The following HS6ST3 variants were observed in gnomAD, a reference collection of about 807,000 sequenced individuals.
HS6ST3 encodes heparan-sulfate 6-O-sulfotransferase 3.
In HS6ST3, 12 loss-of-function variants were observed where a neutral mutation model predicts 36.7. The observed-to-expected ratio is 0.33, with a 90% CI of 0.21 to 0.53. The LOEUF is 0.53. HS6ST3 is among the 20% of genes least tolerant of loss of function. HS6ST3 has a pLI of 0.95. For synonymous variants in HS6ST3, 240 were observed against 257.5 expected (o/e 0.93, Z 0.65); for missense variants, 584 against 640.9 (o/e 0.91, Z 0.96).
intron 1 of HS6ST3, among the ~76,000 whole-genome samples, chr13:96,587,099 T>A (rs1015801759): frequency 3.9e-5 from 6 of 152,142 alleles, no homozygotes; most frequent in Admixed American, 3.9e-4. Context: ...GTCAGTCAAC[T>A]GTAAATGTAA....
At chr13:96,511,200 A>G (rs956735133) in intron 1 of HS6ST3, among the ~76,000 whole-genome samples, 1 of 152,150 alleles carries the variant, frequency 6.6e-6, no homozygotes, top group Admixed American at 6.5e-5. Flanking sequence ...CTCTGCCATC[A>G]CTGACCATGC....
chr13:96,277,189 C>T (rs899747640), intron 1 of HS6ST3, among the ~76,000 whole-genome samples: 9 of 152,276 alleles, frequency 5.9e-5, no homozygotes, highest in Admixed American at 2.6e-4. Context: ...ATACTTTCTC[C>T]ATATTTCAAG....
At chr13:96,642,403 A>T (rs1425055270) in intron 1 of HS6ST3, among the ~76,000 whole-genome samples, 1 of 151,792 alleles carries the variant, frequency 6.6e-6, no homozygotes, top group Non-Finnish European at 1.5e-5. Context: ...TTTTGAGCTT[A>T]TTGGTTGTGT....
At chr13:96,135,154 C>G (rs865907757) in intron 1 of HS6ST3, among the ~76,000 whole-genome samples, 1 of 152,162 alleles carries the variant, frequency 6.6e-6, no homozygotes, top group East Asian at 1.9e-4. Flanking sequence ...TTCTACCTCA[C>G]CCTGCCTTGC....
chr13:96,675,745 T>A (rs1461988720), intron 1 of HS6ST3, among the ~76,000 whole-genome samples: 2 of 152,198 alleles, frequency 1.3e-5, no homozygotes, highest in African/African-American at 4.8e-5. Context: ...AAATGAGGAT[T>A]GGAGTTGGAT....
At chr13:96,329,729 G>A (rs1199767900) in intron 1 of HS6ST3, among the ~76,000 whole-genome samples, 5 of 117,380 alleles carry the variant, frequency 4.3e-5, no homozygotes, top group Non-Finnish European at 1.8e-5. Flanking sequence ...TCAATTCCTG[G>A]GTATCCTTGT....
chr13:96,654,332 A>G (rs2056617412), intron 1 of HS6ST3, among the ~76,000 whole-genome samples: 1 of 152,104 alleles, frequency 6.6e-6, no homozygotes, highest in Admixed American at 6.6e-5. Flanking sequence ...TAGGGTTTTT[A>G]TGGTTTTAGG....
At chr13:96,787,035 T>C (rs1877670274) in intron 1 of HS6ST3, among the ~76,000 whole-genome samples, 1 of 152,222 alleles carries the variant, frequency 6.6e-6, no homozygotes, top group South Asian at 2.1e-4. Flanking sequence ...TGAGGTCCAT[T>C]CAGTTGTCTG....
intron 1 of HS6ST3, among the ~76,000 whole-genome samples, chr13:96,503,690 G>A (rs751844239): frequency 6.6e-6 from 1 of 152,254 alleles, no homozygotes; most frequent in Admixed American, 6.5e-5. Flanking sequence ...AAAAATAGTA[G>A]CTCACATTCA....
At chr13:96,830,234 A>C (rs185975057) in intron 1 of HS6ST3, among the ~76,000 whole-genome samples, 57 of 152,316 alleles carry the variant, frequency 3.7e-4, no homozygotes, top group African/African-American at 1.3e-3. Flanking sequence ...TACTCAATGC[A>C]CTTTCAACTT....
chr13:96,332,404 CTT>C (rs1316454208), intron 1 of HS6ST3, among the ~76,000 whole-genome samples: 2 of 152,060 alleles, frequency 1.3e-5, no homozygotes, highest in Non-Finnish European at 1.5e-5. Flanking sequence ...AAAATCTTAT[CTT>C]TTTATTTTCA....
intron 1 of HS6ST3, among the ~76,000 whole-genome samples, chr13:96,525,043 A>T (rs754159545): frequency 2.8e-4 from 42 of 151,908 alleles, no homozygotes; most frequent in Non-Finnish European, 3.4e-4. Flanking sequence ...TTTGTTATAC[A>T]GATATATTGA....
At chr13:96,263,030 GT>G (rs2054674182) in intron 1 of HS6ST3, among the ~76,000 whole-genome samples, 1 of 152,088 alleles carries the variant, frequency 6.6e-6, no homozygotes, top group South Asian at 2.1e-4. Context: ...TTGAAGTATT[GT>G]TTTTAAAGTT....
intron 1 of HS6ST3, among the ~76,000 whole-genome samples, chr13:96,348,788 G>T (rs1324750088): frequency 1.3e-5 from 2 of 152,166 alleles, no homozygotes; most frequent in Non-Finnish European, 2.9e-5. Flanking sequence ...CTTTTCATCT[G>T]CATCTCTTTA....
At chr13:96,652,893 G>A (rs2056612349) in intron 1 of HS6ST3, among the ~76,000 whole-genome samples, 1 of 151,884 alleles carries the variant, frequency 6.6e-6, no homozygotes. Flanking sequence ...GCACTTACAG[G>A]GAAAAGTGGA....
intron 1 of HS6ST3, among the ~76,000 whole-genome samples, chr13:96,658,891 A>G (rs34404493): frequency 0.42 from 63,069 of 151,260 alleles, 13,361 homozygotes; most frequent in Non-Finnish European, 0.45. Flanking sequence ...TATTTTTAGT[A>G]GAGATGGAGT....
chr13:96,256,530 C>T (rs2054638461), intron 1 of HS6ST3, among the ~76,000 whole-genome samples: 1 of 152,230 alleles, frequency 6.6e-6, no homozygotes, highest in Non-Finnish European at 1.5e-5. Context: ...AAGGCAGCTT[C>T]AGCCTCTTCT....
At chr13:96,674,001 A>G (rs779651797) in intron 1 of HS6ST3, among the ~76,000 whole-genome samples, 2 of 152,154 alleles carry the variant, frequency 1.3e-5, no homozygotes, top group Admixed American at 6.6e-5. Context: ...AAAACTTAAA[A>G]GCCAATCACA....
Position 96,511,708 on chromosome 13 carries a change from A to G in HS6ST3, c.708-320782A>G, listed in dbSNP as rs1476566370. 2.6e-5 allele frequency among the ~76,000 whole-genome samples: 4 copies of G among 151,854 alleles called. No individual in the cohort carries two copies. In the East Asian group the frequency reaches 7.7e-4, roughly 29 times the overall value. On this transcript the variant is annotated intron_variant, in intron 1 of 1. Coordinates refer to ENST00000376705, the MANE Select transcript of HS6ST3 (RefSeq NM_153456.4). ...TATTAACTTTGCACTTGGTGTCCTTAGGTGAACAGAATTTTTTAATTTAAT... is the reference window on the plus strand; with the variant it reads ...TATTAACTTTGCACTTGGTGTCCTTGGGTGAACAGAATTTTTTAATTTAAT...
Sources: gnomAD v4.1 joint callset for allele counts (sites outside exome capture counted in the v4.1 genomes callset) on GRCh38, gnomAD v4.1.1 for gene constraint, MANE v1.5 for transcripts, NCBI Gene and HGNC (gene_info 2026-07-23, HGNC 2026-07-21) for gene names.